Variants in CACNA1B observed in about 807,000 individuals in gnomAD.
CACNA1B encodes calcium voltage-gated channel subunit alpha1 B, also known as voltage-dependent N-type calcium channel subunit alpha-1B.
CACNA1B carries 70 observed loss-of-function variants against 247.2 expected under a neutral mutation model. That is an observed-to-expected ratio of 0.28 (90% confidence interval 0.23 to 0.35). The LOEUF (loss-of-function observed/expected upper bound fraction) is 0.35, where lower values mean the gene tolerates loss of function less well. Ranked by LOEUF, CACNA1B falls within the 10% of genes least tolerant of loss-of-function variation. The pLI is 1.00. For synonymous variants in CACNA1B, 1,231 were observed against 1,294.4 expected (o/e 0.95, Z 1.05); for missense variants, 2,367 against 3,197.4 (o/e 0.74, Z 6.26).
At chr9:137,996,717 G>C (rs1958505292) in intron 15 of CACNA1B, among the ~76,000 whole-genome samples, 1 of 152,112 alleles carries the variant, frequency 6.6e-6, no homozygotes. Flanking sequence ...AGTTCAGATA[G>C]TATGATATGT....
intron 39 of CACNA1B, among the ~76,000 whole-genome samples, chr9:138,107,267 T>G (rs59902243): frequency 0.17 from 25,732 of 147,292 alleles, 2,648 homozygotes; most frequent in Middle Eastern, 0.36. Flanking sequence ...TATTTATTTA[T>G]ATAGGGTCTC....
chr9:138,045,999 C>G (rs578082482), intron 21 of CACNA1B, among the ~76,000 whole-genome samples: 12 of 152,180 alleles, frequency 7.9e-5, no homozygotes, highest in Non-Finnish European at 1.5e-4. Context: ...TGATGGGGGC[C>G]GTCTGCCCCA....
intron 15 of CACNA1B, among the ~76,000 whole-genome samples, chr9:138,000,268 T>TA (rs1337576451): frequency 1.3e-5 from 2 of 151,984 alleles, no homozygotes; most frequent in African/African-American, 4.8e-5. Flanking sequence ...CCGGCTAATT[T>TA]TTTGTATTTT....
intron 8 of CACNA1B, among the ~76,000 whole-genome samples, 169 bp from the exon 9 acceptor site, chr9:137,956,602 C>T (rs1404933816): frequency 6.7e-6 from 1 of 150,144 alleles, no homozygotes; most frequent in Admixed American, 6.6e-5. Context: ...TGCAGTGAGC[C>T]GAGATTGTGC....
intron 6 of CACNA1B, among the ~76,000 whole-genome samples, chr9:137,918,072 G>A (rs1957432856): frequency 6.6e-6 from 1 of 152,164 alleles, no homozygotes; most frequent in African/African-American, 2.4e-5. Context: ...TGTGGCTTGT[G>A]CATTTGTTTC....
intron 3 of CACNA1B, among the ~76,000 whole-genome samples, chr9:137,886,692 A>T (rs1180044921): frequency 6.6e-6 from 1 of 151,006 alleles, no homozygotes; most frequent in African/African-American, 2.4e-5. Context: ...GGGTGGACGG[A>T]TGACCAGAGA....
intron 6 of CACNA1B, among the ~76,000 whole-genome samples, chr9:137,929,728 C>A (rs1408937605): frequency 6.6e-6 from 1 of 152,144 alleles, no homozygotes; most frequent in Non-Finnish European, 1.5e-5. Flanking sequence ...TCATAGCTCA[C>A]TGTAGCCTCA....
Position 137,917,148 on chromosome 9 carries a change from T to G in CACNA1B, c.776-93T>G, listed in dbSNP as rs1022245055. The G allele has an allele frequency of 9.4e-6, 11 of 1,171,336 alleles. No individual in the cohort carries two copies. In the East Asian group the frequency reaches 2.4e-4, roughly 26 times the overall value. 72.6% of individuals were successfully genotyped at this position (1,171,336 alleles called of 1,614,324 possible). A position where few individuals can be genotyped will look rare whatever the true frequency, so the allele number is the denominator to read the frequency against. On this transcript the variant is annotated intron_variant, in intron 5 of 46. Transcript: ENST00000371372. This position sits in a 1 kb window ranked among gnomAD's most constrained non-coding sequence, Gnocchi z 5.5. ...TGTTGGTGGCTGGTTCCTGCCCACCTGCTGTGAGCTCTCCAGAGCCCAGGA... is the reference window on the plus strand; with the variant it reads ...TGTTGGTGGCTGGTTCCTGCCCACCGGCTGTGAGCTCTCCAGAGCCCAGGA...
intron 32 of CACNA1B, 115 bp downstream of exon 32, chr9:138,069,878 A>C: frequency 2.2e-6 from 2 of 896,528 alleles, no homozygotes; most frequent in Non-Finnish European, 3.7e-6. Context: ...GTGTGGTTGG[A>C]TGCGGCTGCA....
rs531087019 is a variant in CACNA1B, at chr9:138,051,496, T to A, written c.3711-596T>A. 5.3e-4 allele frequency among the ~76,000 whole-genome samples: 74 copies of A among 140,320 alleles called. 1 individual carries two copies. Among genetic ancestry groups the A allele is most frequent in the African/African-American group, 1.9e-3 (73 of 39,292 alleles). The allele number at this position is 140,320 out of a possible 152,430, so 92.1% of individuals were successfully genotyped here. A position where few individuals can be genotyped will look rare whatever the true frequency, so the allele number is the denominator to read the frequency against. ...CCCTCCTTCCCTCCCTCTCCCCTTGTTTGTCTTAGTCCACCATGCCTCTTG... is the reference window on the plus strand; with the variant it reads ...CCCTCCTTCCCTCCCTCTCCCCTTGATTGTCTTAGTCCACCATGCCTCTTG... On this transcript the variant is annotated intron_variant, in intron 24 of 46. Coordinates refer to ENST00000371372, the MANE Select transcript of CACNA1B (RefSeq NM_000718.4). The surrounding 1 kb of genome is among the most constrained non-coding windows in gnomAD (Gnocchi z 4.3).
rs1958706072 is a variant in CACNA1B at position 138,010,145 on chromosome 9, T to C, written c.2160+68T>C. Reference sequence around the variant, plus strand: ...TGAATGTGGCCGCAGCCAGGAAGAGTCTGGGTCCTGGGTTAGGGCCTCGTG... The same window carrying C: ...TGAATGTGGCCGCAGCCAGGAAGAGCCTGGGTCCTGGGTTAGGGCCTCGTG... On this transcript the variant is annotated intron_variant, in intron 17 of 46. Coordinates refer to ENST00000371372, the MANE Select transcript of CACNA1B (RefSeq NM_000718.4). The surrounding 1 kb of genome is among the most constrained non-coding windows in gnomAD (Gnocchi z 5.3). 1 of 1,331,414 alleles carries C rather than the reference T, an allele frequency of 7.5e-7. No individual in the cohort carries two copies. Among genetic ancestry groups the C allele is most frequent in the South Asian group, 1.2e-5 (1 of 84,780 alleles). 82.5% of individuals were successfully genotyped at this position (1,331,414 alleles called of 1,614,324 possible).
rs958087681 is a variant in CACNA1B at position 138,057,495 on chromosome 9, A to C, written c.3969-237A>C. ...GAAGTTTTGCCCCCGTTTTCCTCTA[A>C]GTGTTTTATAGTTTTAGCTCCTTAC... is the stretch of plus-strand genomic sequence containing the variant. On this transcript the variant is annotated intron_variant, in intron 26 of 46. Transcript: ENST00000371372. The surrounding 1 kb of genome is among the most constrained non-coding windows in gnomAD (Gnocchi z 4.0). Among the ~76,000 whole-genome samples, 8 of 152,070 alleles carry C rather than the reference A, an allele frequency of 5.3e-5. No individual in the cohort carries two copies. The highest frequency in any genetic ancestry group is 1.9e-4 in the African/African-American group (8 of 41,392).
chr9:138,047,125 G>C, intron 22 of CACNA1B, 92 bp downstream of exon 22: 1 of 1,224,698 alleles, frequency 8.2e-7, no homozygotes, highest in Non-Finnish European at 1.1e-6. Context: ...TGGGGCTGAG[G>C]TCCTGTCGTC....
At chr9:137,928,102 T>G (rs1957571670) in intron 6 of CACNA1B, among the ~76,000 whole-genome samples, 2 of 152,146 alleles carry the variant, frequency 1.3e-5, no homozygotes, top group South Asian at 2.1e-4. Context: ...CTTGTCTTTT[T>G]TTGTTGTTGT....
chr9:137,951,291 A>G (rs554819493), intron 6 of CACNA1B, among the ~76,000 whole-genome samples: 1 of 152,254 alleles, frequency 6.6e-6, no homozygotes, highest in Non-Finnish European at 1.5e-5. Flanking sequence ...AGGGTCAGGA[A>G]CCACGAGCTT....
At chr9:138,105,463 G>A (rs1365951301) in intron 38 of CACNA1B, among the ~76,000 whole-genome samples, 3 of 152,214 alleles carry the variant, frequency 2.0e-5, no homozygotes, top group African/African-American at 7.2e-5. Flanking sequence ...TTTACCTGGA[G>A]TTCTACTTTT....
rs1452816545 is a variant in CACNA1B, at chr9:137,880,561, G to A, written c.390+1402G>A. Reference sequence around the variant, plus strand: ...AAGCTGTCTTGCCCTGCCAGGCAGTGGGTGTCCAGCCTTGCAAGTTCCTGC... The same window carrying A: ...AAGCTGTCTTGCCCTGCCAGGCAGTAGGTGTCCAGCCTTGCAAGTTCCTGC... On this transcript the variant is annotated intron_variant, in intron 2 of 46. Transcript: ENST00000371372. This position sits in a 1 kb window ranked among gnomAD's most constrained non-coding sequence, Gnocchi z 4.8. 6.6e-6 allele frequency among the ~76,000 whole-genome samples: 1 copy of A among 152,204 alleles called. No individual in the cohort carries two copies. The highest frequency in any genetic ancestry group is 1.5e-5 in the Non-Finnish European group (1 of 68,026).
intron 6 of CACNA1B, among the ~76,000 whole-genome samples, chr9:137,941,518 C>T (rs1957732004): frequency 6.6e-6 from 1 of 152,088 alleles, no homozygotes; most frequent in Non-Finnish European, 1.5e-5. Context: ...CAAAAGCAGT[C>T]TACAAATTCA....
At chr9:138,070,954 C>A (rs544095449) in intron 32 of CACNA1B, among the ~76,000 whole-genome samples, 1 of 152,232 alleles carries the variant, frequency 6.6e-6, no homozygotes, top group Non-Finnish European at 1.5e-5. Context: ...GCCCACAGAT[C>A]GGGGTGGGGT....
Sources: allele counts gnomAD v4.1 joint callset (sites outside exome capture counted in the v4.1 genomes callset), GRCh38; gene constraint gnomAD v4.1.1; non-coding constraint Gnocchi (gnomAD v3.1); transcripts MANE v1.5; gene names NCBI Gene and HGNC (gene_info 2026-07-23, HGNC 2026-07-21).